Variants in DMD observed in about 807,000 individuals in gnomAD.
DMD encodes mutant dystrophin.
Under a neutral mutation model 330.1 loss-of-function variants are expected in DMD, and 63 were observed. That is an observed-to-expected ratio of 0.19 (90% CI 0.16 to 0.24). The LOEUF is 0.24. Ranked by LOEUF, DMD falls within the 10% of genes least tolerant of loss-of-function variation. The pLI, the probability that DMD is intolerant of heterozygous loss-of-function variation, is 1.00. For missense variants in DMD, 3,344 were observed against 2,684.1 expected, an observed-to-expected ratio of 1.25 and a Z score of -5.43; for synonymous variants, 1,223 against 959.8, an observed-to-expected ratio of 1.27 and a Z score of -5.07.
At chrX:33,044,731 T>A (rs1036120668) in intron 1 of DMD, among the ~76,000 whole-genome samples, 24 of 111,417 alleles carry the variant, frequency 2.2e-4, no homozygotes, top group Non-Finnish European at 1.9e-5. Context: ...CCTTAAACAA[T>A]CCAGAGCTGA....
At chrX:32,903,979 C>T (rs767163404) in intron 2 of DMD, among the ~76,000 whole-genome samples, 2 of 111,770 alleles carry the variant, frequency 1.8e-5, no homozygotes, top group South Asian at 7.4e-4. Context: ...TCTTTTTGCT[C>T]ATATGTGAAA....
At chrX:31,449,303 G>A (rs2065516463) in intron 59 of DMD, among the ~76,000 whole-genome samples, 1 of 111,404 alleles carries the variant, frequency 9.0e-6, no homozygotes, top group Non-Finnish European at 1.9e-5. Flanking sequence ...TAGAGACTGT[G>A]AGAGGGAGTT....
chrX:32,856,918 AC>A (rs1430726950), intron 2 of DMD, among the ~76,000 whole-genome samples: 1 of 111,013 alleles, frequency 9.0e-6, no homozygotes, highest in Non-Finnish European at 1.9e-5. Flanking sequence ...TACTAAAAAT[AC>A]AAAAAATTAG....
intron 50 of DMD, among the ~76,000 whole-genome samples, chrX:31,809,993 G>A (rs777135949): frequency 1.3e-4 from 14 of 110,308 alleles, no homozygotes; most frequent in African/African-American, 4.6e-4. Flanking sequence ...TAATCTTCTT[G>A]GTATTATTAT....
intron 1 of DMD, among the ~76,000 whole-genome samples, chrX:33,131,720 A>G (rs376519954): frequency 1.8e-5 from 2 of 111,837 alleles, no homozygotes; most frequent in Non-Finnish European, 1.9e-5. Context: ...CTAAAAATTC[A>G]TGGGGCCCTC....
At chrX:32,270,856 A>C (rs1255337279) in intron 43 of DMD, among the ~76,000 whole-genome samples, 1 of 111,351 alleles carries the variant, frequency 9.0e-6, no homozygotes, top group Non-Finnish European at 1.9e-5. Context: ...ATAAGTGCTT[A>C]TTGTTCTTTT....
intron 1 of DMD, among the ~76,000 whole-genome samples, chrX:33,329,721 G>C (rs1195255693): frequency 9.0e-6 from 1 of 111,578 alleles, no homozygotes; most frequent in Non-Finnish European, 1.9e-5. Flanking sequence ...AATCAATGGT[G>C]TGTTAGATGT....
chrX:32,647,764 A>T (rs186227332), intron 9 of DMD, among the ~76,000 whole-genome samples: 1,953 of 112,113 alleles, frequency 0.017, 37 homozygotes, highest in African/African-American at 0.059. Context: ...TACGGCTGTA[A>T]TTATTATCAA....
chrX:33,266,018 G>T (rs1355796435), intron 1 of DMD, among the ~76,000 whole-genome samples: 1 of 111,427 alleles, frequency 9.0e-6, no homozygotes, highest in African/African-American at 3.2e-5. Context: ...ACTATGTCTA[G>T]AATATTGATA....
At chrX:32,599,437 A>T (rs1457913474) in intron 12 of DMD, among the ~76,000 whole-genome samples, 2 of 111,617 alleles carry the variant, frequency 1.8e-5, no homozygotes, top group African/African-American at 6.5e-5. Context: ...AAGAGTATTT[A>T]AAAAAAATAA....
At chrX:33,274,293 C>A (rs964755697) in intron 1 of DMD, among the ~76,000 whole-genome samples, 63 of 111,592 alleles carry the variant, frequency 5.6e-4, no homozygotes, top group African/African-American at 2.0e-3. Flanking sequence ...ACTACCAAGT[C>A]AGCACTAATT....
intron 17 of DMD, 122 bp from the exon 18 acceptor site, chrX:32,518,253 A>G: frequency 2.9e-6 from 2 of 678,437 alleles, no homozygotes; most frequent in South Asian, 5.3e-5. Flanking sequence ...TGACACCTCT[A>G]TTAGTATTAA....
At chrX:31,879,599 A>C (rs770000096) in intron 47 of DMD, among the ~76,000 whole-genome samples, 1 of 112,411 alleles carries the variant, frequency 8.9e-6, no homozygotes, top group Admixed American at 9.5e-5. Flanking sequence ...GGTATAACAT[A>C]TCTAAAGCCA....
intron 64 of DMD, among the ~76,000 whole-genome samples, chrX:31,210,102 A>G (rs12558275): frequency 0.34 from 37,899 of 110,993 alleles, 5,078 homozygotes; most frequent in Non-Finnish European, 0.43. Flanking sequence ...TTGTATTAGC[A>G]TTAGAGAAGA....
At chrX:31,287,271 G>C (rs1367894599) in intron 62 of DMD, among the ~76,000 whole-genome samples, 1 of 111,801 alleles carries the variant, frequency 8.9e-6, no homozygotes, top group Admixed American at 9.5e-5. Context: ...TAGAACATCT[G>C]TACATCTGTA....
At chrX:32,868,633 A>G (rs761555856) in intron 2 of DMD, among the ~76,000 whole-genome samples, 2 of 112,492 alleles carry the variant, frequency 1.8e-5, no homozygotes, top group Middle Eastern at 4.6e-3. Flanking sequence ...GCTATGGCAA[A>G]TAATGGCCAG....
chrX:31,801,816 T>C (rs2092080874), intron 50 of DMD, among the ~76,000 whole-genome samples: 1 of 111,248 alleles, frequency 9.0e-6, no homozygotes, highest in Non-Finnish European at 1.9e-5. Context: ...ATTCAAATTG[T>C]CCCACAAATA....
At chrX:32,951,314 C>T (rs2091233498) in intron 2 of DMD, among the ~76,000 whole-genome samples, 1 of 111,503 alleles carries the variant, frequency 9.0e-6, no homozygotes, top group African/African-American at 3.3e-5. Flanking sequence ...ATTTATATTT[C>T]TGGCCCTACA....
At chrX:31,239,644 G>A (rs1475562904) in intron 63 of DMD, among the ~76,000 whole-genome samples, 1 of 111,649 alleles carries the variant, frequency 9.0e-6, no homozygotes, top group African/African-American at 3.3e-5. Flanking sequence ...GAGGGCCCGT[G>A]AATTTCTTTA....
Sources: gnomAD v4.1 joint callset for allele counts (sites outside exome capture counted in the v4.1 genomes callset) on GRCh38, gnomAD v4.1.1 for gene constraint, MANE v1.5 for transcripts, NCBI Gene and HGNC (gene_info 2026-07-23, HGNC 2026-07-21) for gene names.